The following DIAPH2 variants were observed in gnomAD, a reference collection of about 807,000 sequenced individuals.
DIAPH2 encodes protein diaphanous homolog 2.
In DIAPH2, 35 loss-of-function variants were observed where a neutral mutation model predicts 92.7. That is an observed-to-expected ratio of 0.38 (90% CI 0.29 to 0.50). The LOEUF (loss-of-function observed/expected upper bound fraction) is 0.50. DIAPH2 is among the 20% of genes least tolerant of loss of function. DIAPH2 has a pLI of 0.94. For missense variants in DIAPH2, 701 were observed against 819.5 expected, an observed-to-expected ratio of 0.86 and a Z score of 1.77; for synonymous variants, 301 against 280.4, an observed-to-expected ratio of 1.07 and a Z score of -0.73.
intron 19 of DIAPH2, among the ~76,000 whole-genome samples, chrX:97,080,108 T>C (rs971902103): frequency 9.1e-6 from 1 of 110,190 alleles, no homozygotes; most frequent in African/African-American, 3.3e-5. Context: ...TCCACTTGTA[T>C]TGTTTTTTGT....
intron 26 of DIAPH2, among the ~76,000 whole-genome samples, chrX:97,577,218 T>C (rs1046980669): frequency 8.9e-6 from 1 of 112,288 alleles, no homozygotes; most frequent in Admixed American, 9.5e-5. Context: ...GAAAAGATAG[T>C]TTGTAAACTA....
At chrX:96,912,778 G>A (rs1487313538) in intron 7 of DIAPH2, among the ~76,000 whole-genome samples, 3 of 109,866 alleles carry the variant, frequency 2.7e-5, no homozygotes, top group African/African-American at 9.9e-5. Context: ...TCCCCACCCC[G>A]TACCTATTTT....
chrX:97,546,991 T>C (rs2071186319), intron 26 of DIAPH2, among the ~76,000 whole-genome samples: 1 of 112,113 alleles, frequency 8.9e-6, no homozygotes, highest in Admixed American at 9.4e-5. Flanking sequence ...TAACTATCTG[T>C]TTTATCATGC....
At chrX:96,970,439 G>A (rs1482186157) in intron 17 of DIAPH2, among the ~76,000 whole-genome samples, 3 of 110,454 alleles carry the variant, frequency 2.7e-5, no homozygotes, top group East Asian at 2.8e-4. Flanking sequence ...TGTCTGTTCC[G>A]GGTTTCAGCT....
chrX:97,518,707 T>C (rs2070969157), intron 26 of DIAPH2, among the ~76,000 whole-genome samples: 2 of 110,921 alleles, frequency 1.8e-5, no homozygotes, highest in Non-Finnish European at 3.8e-5. Flanking sequence ...CTTTAGTCCT[T>C]GAATGAGCAG....
At chrX:96,931,468 A>G (rs1254279876) in intron 10 of DIAPH2, among the ~76,000 whole-genome samples, 4 of 111,636 alleles carry the variant, frequency 3.6e-5, no homozygotes, top group Non-Finnish European at 7.5e-5. Flanking sequence ...TTTATTAAGT[A>G]TATTAACTGA....
chrX:97,225,571 A>G (rs1172975215), intron 22 of DIAPH2, among the ~76,000 whole-genome samples: 1 of 111,910 alleles, frequency 8.9e-6, no homozygotes, highest in East Asian at 2.8e-4. Context: ...AGTCATGCTT[A>G]GTGTATTAAA....
intron 26 of DIAPH2, among the ~76,000 whole-genome samples, chrX:97,489,604 A>C (rs892339242): frequency 9.0e-6 from 1 of 110,735 alleles, no homozygotes; most frequent in Admixed American, 9.6e-5. Context: ...GTTGAGGTAA[A>C]TTCCTTGTAT....
chrX:96,944,143 C>T (rs1270206397), intron 13 of DIAPH2, among the ~76,000 whole-genome samples: 1 of 111,824 alleles, frequency 8.9e-6, no homozygotes, highest in African/African-American at 3.2e-5. Context: ...AGATTAGTCT[C>T]TTGTAATTTA....
chrX:96,815,940 G>A (rs1476430636), intron 4 of DIAPH2, among the ~76,000 whole-genome samples: 1 of 111,362 alleles, frequency 9.0e-6, no homozygotes, highest in Non-Finnish European at 1.9e-5. Flanking sequence ...AGTAGTGCTA[G>A]GATTACAGGC....
chrX:97,518,296 T>C (rs2070964754), intron 26 of DIAPH2, among the ~76,000 whole-genome samples: 2 of 111,447 alleles, frequency 1.8e-5, no homozygotes, highest in South Asian at 3.8e-4. Context: ...ATTTTTATAT[T>C]TCTCATATAG....
chrX:96,908,438 A>C (rs972588847), intron 5 of DIAPH2, among the ~76,000 whole-genome samples: 3 of 111,072 alleles, frequency 2.7e-5, no homozygotes, highest in African/African-American at 9.8e-5. Context: ...AGAAAAATTT[A>C]TGTCTTTGTC....
chrX:96,834,750 A>T (rs2064876411), intron 4 of DIAPH2, among the ~76,000 whole-genome samples: 1 of 111,908 alleles, frequency 8.9e-6, no homozygotes, highest in South Asian at 3.7e-4. Context: ...GAGAAAAAAA[A>T]TGTTAGCGGG....
rs138163861 is a variant in DIAPH2 at position 97,476,117 on chromosome X, A to G, written c.3241+46372A>G. On this transcript the variant is annotated intron_variant, in intron 26 of 26. Coordinates refer to ENST00000324765, the MANE Select transcript of DIAPH2 (RefSeq NM_006729.5). ...AGTGAAATGTCCATATTTTCTCATT[A>G]ATTTGGGTCTATTTAAAGATCAGTC... Among the ~76,000 whole-genome samples, 3 of 112,267 alleles carry G rather than the reference A, an allele frequency of 2.7e-5. No individual in the cohort carries two copies. The East Asian group carries it at 8.3e-4, about 31-fold the overall frequency.
At chrX:97,555,329 A>G (rs1602666236) in intron 26 of DIAPH2, 1 of 357,780 alleles carries the variant, frequency 2.8e-6, no homozygotes, top group East Asian at 2.1e-4. Flanking sequence ...CACTGGCTGC[A>G]AACTAGGTCT....
At chrX:96,794,610 G>C (rs989268614) in intron 4 of DIAPH2, among the ~76,000 whole-genome samples, 9 of 110,802 alleles carry the variant, frequency 8.1e-5, no homozygotes, top group Non-Finnish European at 1.5e-4. Flanking sequence ...GAGCAAATTG[G>C]CATCATTAAC....
chrX:96,691,679 T>A (rs1402224550), intron 1 of DIAPH2, among the ~76,000 whole-genome samples: 6 of 112,124 alleles, frequency 5.4e-5, no homozygotes, highest in Non-Finnish European at 7.5e-5. Flanking sequence ...ATTTGCACAG[T>A]CTTTGGTTTA....
At chrX:97,509,632 G>A (rs181220455) in intron 26 of DIAPH2, among the ~76,000 whole-genome samples, 4,310 of 105,582 alleles carry the variant, frequency 0.041, 250 homozygotes, top group African/African-American at 0.14. Flanking sequence ...AGCATTAGGT[G>A]TATCTCCTAA....
intron 23 of DIAPH2, among the ~76,000 whole-genome samples, chrX:97,264,258 C>T (rs183039419): frequency 1.8e-5 from 2 of 111,422 alleles, no homozygotes; most frequent in Non-Finnish European, 3.8e-5. Context: ...TTTTCTCTAT[C>T]CTTCTGAAAC....
Sources: allele counts gnomAD v4.1 joint callset (sites outside exome capture counted in the v4.1 genomes callset), GRCh38; gene constraint gnomAD v4.1.1; transcripts MANE v1.5; gene names NCBI Gene and HGNC (gene_info 2026-07-23, HGNC 2026-07-21).